CNTNAP5: variants seen among roughly 807,000 people sequenced by gnomAD.
The protein encoded by CNTNAP5 is contactin associated protein family member 5, also known as contactin-associated protein-like 5.
CNTNAP5 carries 72 observed loss-of-function variants against 150.2 expected under a neutral mutation model. That is an observed-to-expected ratio of 0.48 (90% CI 0.40 to 0.58). The LOEUF is 0.58. Among genes scored for constraint, CNTNAP5 ranks in the 20% least tolerant of loss-of-function variants. The pLI is 0.00. For synonymous variants in CNTNAP5, 672 were observed against 619.8 expected, an observed-to-expected ratio of 1.08 and a Z score of -1.25; for missense variants, 1,636 against 1,626.2, an observed-to-expected ratio of 1.01 and a Z score of -0.10.
intron 4 of CNTNAP5, among the ~76,000 whole-genome samples, chr2:124,429,957 G>T (rs1286240054): frequency 6.6e-6 from 1 of 152,176 alleles, no homozygotes; most frequent in Non-Finnish European, 1.5e-5. Context: ...CCATTGCGAG[G>T]CTCTGAATTA....
intron 3 of CNTNAP5, among the ~76,000 whole-genome samples, chr2:124,338,361 T>C (rs913586300): frequency 1.3e-5 from 2 of 152,098 alleles, no homozygotes; most frequent in African/African-American, 4.8e-5. Context: ...CCTTTATTTC[T>C]TTCTCCTGCC....
intron 12 of CNTNAP5, among the ~76,000 whole-genome samples, chr2:124,620,416 T>C (rs1378773056): frequency 6.6e-6 from 1 of 152,114 alleles, no homozygotes; most frequent in East Asian, 1.9e-4. Flanking sequence ...AGAGTGCCCA[T>C]CTGTTCCTCA....
rs956804180 is a variant in CNTNAP5, at chr2:124,916,546, T to C, written c.*2258T>C. ...GGTATGAGTAATAAAGCTGGAACTC[T>C]TCATTATTCAATCTTTGAGCAGTGA... On this transcript the variant is annotated 3_prime_UTR_variant, in exon 24 of 24. Coordinates refer to ENST00000682447, the MANE Select transcript of CNTNAP5 (RefSeq NM_001367498.1). Among the ~76,000 whole-genome samples the C allele has an allele frequency of 6.6e-6, 1 of 152,254 alleles. No individual in the cohort carries two copies. The highest frequency in any genetic ancestry group is 1.9e-4 in the East Asian group (1 of 5,164).
chr2:124,313,263 T>G (rs1688880504), intron 3 of CNTNAP5, among the ~76,000 whole-genome samples: 1 of 152,232 alleles, frequency 6.6e-6, no homozygotes. Flanking sequence ...AGATTTGTTT[T>G]GTTTTGTTTC....
At chr2:124,310,795 C>G (rs535429146) in intron 3 of CNTNAP5, among the ~76,000 whole-genome samples, 2 of 152,074 alleles carry the variant, frequency 1.3e-5, no homozygotes, top group African/African-American at 2.4e-5. Context: ...AAGAAGCTTC[C>G]TTACCTCATG....
chr2:124,199,489 C>T (rs1462676622), intron 1 of CNTNAP5, among the ~76,000 whole-genome samples: 3 of 139,312 alleles, frequency 2.2e-5, no homozygotes, highest in Non-Finnish European at 4.5e-5. Context: ...GATCTCAGCT[C>T]ACTGCAACTT....
chr2:124,741,648 T>C (rs1023683235), intron 13 of CNTNAP5, among the ~76,000 whole-genome samples: 1 of 152,208 alleles, frequency 6.6e-6, no homozygotes. Context: ...CATATTCTAC[T>C]TGAGGAAACT....
intron 13 of CNTNAP5, among the ~76,000 whole-genome samples, chr2:124,698,375 T>TACACACACACACACACACACAC (rs59897587): frequency 2.0e-5 from 3 of 147,426 alleles, no homozygotes; most frequent in African/African-American, 5.0e-5. Context: ...GACGAGAGGA[T>TACACACACACACACACACACAC]ACACACACAC....
chr2:124,687,903 A>G (rs1679224534), intron 13 of CNTNAP5, among the ~76,000 whole-genome samples: 1 of 152,118 alleles, frequency 6.6e-6, no homozygotes, highest in South Asian at 2.1e-4. Flanking sequence ...TACTTATCAA[A>G]TTATGTATTC....
intron 20 of CNTNAP5, among the ~76,000 whole-genome samples, chr2:124,868,271 T>A (rs1456923299): frequency 1.3e-5 from 2 of 152,176 alleles, no homozygotes; most frequent in East Asian, 3.9e-4. Context: ...GTCAAAGGTC[T>A]TCCAGTGGCT....
Position 124,448,862 on chromosome 2 carries a change from A to G in CNTNAP5, c.918+1925A>G, listed in dbSNP as rs148445904. 2.6e-5 allele frequency among the ~76,000 whole-genome samples: 4 copies of G among 152,356 alleles called. No homozygotes were observed. In the East Asian group the frequency reaches 7.7e-4, roughly 29 times the overall value. ...TTGCATATTTTATCATTATTCATAAATTGTGTGCTACAAGTTGTTAATATC... is the reference window on the plus strand; with the variant it reads ...TTGCATATTTTATCATTATTCATAAGTTGTGTGCTACAAGTTGTTAATATC... On this transcript the variant is annotated intron_variant, in intron 6 of 23. Coordinates refer to ENST00000682447, the MANE Select transcript of CNTNAP5 (RefSeq NM_001367498.1).
chr2:124,235,254 G>C lies in CNTNAP5; in HGVS notation c.188-6946G>C, dbSNP rs1367246. On this transcript the variant is annotated intron_variant, in intron 2 of 23. Coordinates refer to ENST00000682447, the MANE Select transcript of CNTNAP5 (RefSeq NM_001367498.1). ...GAAGTGATAGCTCCCAGGCAAGAAG[G>C]CTTCTCTTTGGCCAAGGACAAATCT... Among the ~76,000 whole-genome samples the C allele has an allele frequency of 8.3e-3, 1,265 of 152,234 alleles. 12 individuals are homozygous for C. Among genetic ancestry groups the C allele is most frequent in the Admixed American group, 0.017 (267 of 15,266 alleles).
At chr2:124,545,389 A>G (rs1342245474) in intron 10 of CNTNAP5, among the ~76,000 whole-genome samples, 4 of 152,100 alleles carry the variant, frequency 2.6e-5, no homozygotes, top group Non-Finnish European at 5.9e-5. Flanking sequence ...TGAAACCCCC[A>G]AGTTCTGTGA....
chr2:124,635,234 C>T (rs1415546211), intron 12 of CNTNAP5, among the ~76,000 whole-genome samples: 1 of 152,014 alleles, frequency 6.6e-6, no homozygotes, highest in Admixed American at 6.6e-5. Flanking sequence ...ATGGTGGGAG[C>T]AGGAGAAAGA....
chr2:124,177,558 A>G (rs183946404), intron 1 of CNTNAP5, among the ~76,000 whole-genome samples: 29 of 152,240 alleles, frequency 1.9e-4, no homozygotes, highest in Admixed American at 1.8e-3. Flanking sequence ...GTCCTAATCT[A>G]AAAAGTGGCA....
chr2:124,080,847 G>A (rs979995063), intron 1 of CNTNAP5, among the ~76,000 whole-genome samples: 6 of 152,094 alleles, frequency 3.9e-5, no homozygotes, highest in Non-Finnish European at 2.9e-5. Context: ...CCATAGACAC[G>A]GAGATTCTGA....
intron 3 of CNTNAP5, among the ~76,000 whole-genome samples, chr2:124,393,823 T>C (rs1691178867): frequency 6.6e-6 from 1 of 152,224 alleles, no homozygotes; most frequent in South Asian, 2.1e-4. Context: ...GGTTTTACTT[T>C]GGTAAACCAA....
chr2:124,889,128 T>TCACCCAGG (rs1678142034), intron 21 of CNTNAP5, among the ~76,000 whole-genome samples: 1 of 144,798 alleles, frequency 6.9e-6, no homozygotes, highest in Admixed American at 7.0e-5. Context: ...TCTCGCTTTG[T>TCACCCAGG]CACCCAGGCA....
At chr2:124,138,277 T>A (rs1558770828) in intron 1 of CNTNAP5, among the ~76,000 whole-genome samples, 4 of 152,024 alleles carry the variant, frequency 2.6e-5, no homozygotes, top group Non-Finnish European at 5.9e-5. Context: ...AACAAGCAAA[T>A]GAGAAAAGAG....
Sources: gnomAD v4.1 joint callset for allele counts (sites outside exome capture counted in the v4.1 genomes callset) on GRCh38, gnomAD v4.1.1 for gene constraint, MANE v1.5 for transcripts, NCBI Gene and HGNC (gene_info 2026-07-23, HGNC 2026-07-21) for gene names.